The following RIMS2 variants were observed in gnomAD, a reference collection of about 807,000 sequenced individuals.
The protein encoded by RIMS2 is regulating synaptic membrane exocytosis protein 2.
Under a neutral mutation model 174.4 loss-of-function variants are expected in RIMS2, and 59 were observed. That is an observed-to-expected ratio of 0.34 (90% CI 0.27 to 0.42). The LOEUF (loss-of-function observed/expected upper bound fraction) is 0.42, where lower values mean the gene tolerates loss of function less well. Ranked by LOEUF, RIMS2 falls within the 10% of genes least tolerant of loss-of-function variation. The pLI, the probability that RIMS2 is intolerant of heterozygous loss-of-function variation, is 1.00. For missense variants in RIMS2, 1,620 were observed against 1,666.3 expected (o/e 0.97, Z 0.48); for synonymous variants, 606 against 572.5 (o/e 1.06, Z -0.84).
At chr8:103,950,214 A>T (rs1196557494) in intron 14 of RIMS2, among the ~76,000 whole-genome samples, 2 of 152,154 alleles carry the variant, frequency 1.3e-5, no homozygotes, top group African/African-American at 4.8e-5. Context: ...TAAAATACCA[A>T]TTCTTTACAA....
intron 19 of RIMS2, among the ~76,000 whole-genome samples, chr8:104,183,348 A>C (rs985822237): frequency 1.3e-5 from 2 of 151,624 alleles, no homozygotes; most frequent in East Asian, 3.9e-4. Flanking sequence ...TAATTATTTT[A>C]TTATCTTTTT....
intron 19 of RIMS2, among the ~76,000 whole-genome samples, chr8:104,082,477 T>A (rs973774904): frequency 2.0e-5 from 3 of 152,128 alleles, no homozygotes; most frequent in African/African-American, 7.2e-5. Context: ...GAAGGACTTC[T>A]CAGGCTGAAG....
At chr8:104,072,912 T>C (rs2097218917) in intron 19 of RIMS2, among the ~76,000 whole-genome samples, 1 of 152,200 alleles carries the variant, frequency 6.6e-6, no homozygotes, top group Non-Finnish European at 1.5e-5. Flanking sequence ...ACATGATTTC[T>C]AGTTAATCAG....
chr8:103,544,129 GA>G (rs1843802173), intron 1 of RIMS2, among the ~76,000 whole-genome samples: 2 of 152,160 alleles, frequency 1.3e-5, no homozygotes, highest in South Asian at 4.1e-4. Flanking sequence ...AGAAAACAAA[GA>G]GCCAGGCAGG....
chr8:103,806,425 G>T (rs763008728), intron 3 of RIMS2, among the ~76,000 whole-genome samples: 7 of 152,108 alleles, frequency 4.6e-5, no homozygotes, highest in Non-Finnish European at 1.0e-4. Flanking sequence ...TACCGTGGAA[G>T]GAGCACTGGA....
intron 1 of RIMS2, among the ~76,000 whole-genome samples, chr8:103,661,556 T>C (rs1374170252): frequency 6.6e-6 from 1 of 152,088 alleles, no homozygotes; most frequent in Non-Finnish European, 1.5e-5. Flanking sequence ...CAGGCTGGAG[T>C]GCAGTGGCGT....
intron 1 of RIMS2, among the ~76,000 whole-genome samples, chr8:103,648,069 C>A (rs1380507275): frequency 3.3e-5 from 5 of 151,880 alleles, no homozygotes; most frequent in East Asian, 3.9e-4. Flanking sequence ...CTATAAATTT[C>A]CCCCCTAACA....
intron 4 of RIMS2, among the ~76,000 whole-genome samples, chr8:103,906,557 T>A (rs935844710): frequency 1.1e-4 from 16 of 152,152 alleles, no homozygotes; most frequent in Non-Finnish European, 1.3e-4. Flanking sequence ...ATATGACAGG[T>A]TTTTTTGTCA....
At chr8:103,889,725 T>G (rs1196479075) in intron 4 of RIMS2, among the ~76,000 whole-genome samples, 2 of 151,906 alleles carry the variant, frequency 1.3e-5, no homozygotes, top group African/African-American at 4.8e-5. Flanking sequence ...TGACTTTGGC[T>G]CGTCTCTTAC....
chr8:104,085,443 C>T (rs1438225465), intron 19 of RIMS2, among the ~76,000 whole-genome samples: 3 of 152,196 alleles, frequency 2.0e-5, no homozygotes, highest in Non-Finnish European at 4.4e-5. Flanking sequence ...TCAGAGGTCA[C>T]ACTCACATCA....
At chr8:104,154,335 C>T (rs1015658520) in intron 19 of RIMS2, among the ~76,000 whole-genome samples, 3 of 152,216 alleles carry the variant, frequency 2.0e-5, no homozygotes, top group African/African-American at 7.2e-5. Context: ...GCAGTGATGG[C>T]AATCTCCTAC....
intron 19 of RIMS2, among the ~76,000 whole-genome samples, chr8:104,064,468 G>C (rs2097066674): frequency 6.6e-6 from 1 of 151,922 alleles, no homozygotes; most frequent in South Asian, 2.1e-4. Flanking sequence ...TGTAATTTAA[G>C]GAAGGGGATT....
rs979167464 is a variant in RIMS2, at chr8:103,787,862, G to A, written c.698+21325G>A. Among the ~76,000 whole-genome samples the A allele has an allele frequency of 5.9e-5, 9 of 152,250 alleles. No individual in the cohort carries two copies. The East Asian group carries it at 1.4e-3, about 23-fold the overall frequency. On this transcript the variant is annotated intron_variant, in intron 3 of 23. Coordinates refer to ENST00000504942, the Ensembl canonical transcript of RIMS2. ...GTTCTCCTGGATAATATCCTGCAGA[G>A]TGTTTTCCAACTTGGTTCCATTCTC...
chr8:103,951,709 T>G (rs1433548021), intron 14 of RIMS2, among the ~76,000 whole-genome samples: 2 of 152,174 alleles, frequency 1.3e-5, no homozygotes, highest in African/African-American at 2.4e-5. Flanking sequence ...ACAGGAGTTT[T>G]GCTTTTCATA....
intron 2 of RIMS2, among the ~76,000 whole-genome samples, chr8:103,725,740 G>T (rs1254960640): frequency 1.3e-5 from 2 of 152,170 alleles, no homozygotes; most frequent in East Asian, 3.8e-4. Context: ...TAGGAGTAGA[G>T]TATGCTGGAT....
intron 3 of RIMS2, among the ~76,000 whole-genome samples, chr8:103,881,226 T>G (rs1331385453): frequency 6.6e-6 from 1 of 151,554 alleles, no homozygotes; most frequent in African/African-American, 2.4e-5. Context: ...TTTTTAAAAA[T>G]TGCATATTTC....
chr8:104,016,133 C>G (rs2095896880), intron 19 of RIMS2, among the ~76,000 whole-genome samples: 1 of 151,996 alleles, frequency 6.6e-6, no homozygotes, highest in Non-Finnish European at 1.5e-5. Flanking sequence ...AACTTTGTAT[C>G]TTTAAAAACT....
chr8:104,050,017 A>G (rs1734850960), intron 19 of RIMS2, among the ~76,000 whole-genome samples: 2 of 152,288 alleles, frequency 1.3e-5, no homozygotes, highest in South Asian at 2.1e-4. Flanking sequence ...TTAAGATAGG[A>G]ATAACATTCC....
chr8:103,910,403 AAT>A (rs1159244833), intron 5 of RIMS2: 2 of 1,597,392 alleles, frequency 1.3e-6, no homozygotes, highest in Non-Finnish European at 1.7e-6. Flanking sequence ...GACAAAAGGA[AAT>A]GATGTACTTT....
Sources: gnomAD v4.1 joint callset for allele counts (sites outside exome capture counted in the v4.1 genomes callset) on GRCh38, gnomAD v4.1.1 for gene constraint, MANE v1.5 for transcripts, NCBI Gene and HGNC (gene_info 2026-07-23, HGNC 2026-07-21) for gene names.